ZRANB3: variants seen among roughly 807,000 people sequenced by gnomAD.
The protein encoded by ZRANB3 is DNA annealing helicase and endonuclease ZRANB3.
Under a neutral mutation model 133.8 loss-of-function variants are expected in ZRANB3, and 125 were observed. The observed-to-expected ratio is 0.93, with a 90% CI of 0.81 to 1.08. The LOEUF is 1.08. Ranked by LOEUF, ZRANB3 falls within the 50% of genes least tolerant of loss-of-function variation. The pLI is 0.00. For synonymous variants in ZRANB3, 387 were observed against 432.7 expected (o/e 0.89, Z 1.31); for missense variants, 1,229 against 1,275.5 (o/e 0.96, Z 0.56).
intron 12 of ZRANB3, among the ~76,000 whole-genome samples, chr2:135,233,300 A>G (rs1313847770): frequency 6.6e-6 from 1 of 152,210 alleles, no homozygotes; most frequent in Non-Finnish European, 1.5e-5. Context: ...ATGTGAAAAG[A>G]TCAAATCTAC....
intron 2 of ZRANB3, among the ~76,000 whole-genome samples, chr2:135,478,281 T>C (rs1231515171): frequency 6.6e-6 from 1 of 152,048 alleles, no homozygotes; most frequent in Non-Finnish European, 1.5e-5. Flanking sequence ...ACACAGAAAT[T>C]ATGTAAATCT....
chr2:135,481,696 T>C (rs1691819560), intron 2 of ZRANB3, among the ~76,000 whole-genome samples: 1 of 150,900 alleles, frequency 6.6e-6, no homozygotes, highest in South Asian at 2.1e-4. Context: ...TGCCCATGCC[T>C]ATGTCCTGAA....
At chr2:135,325,981 G>C (rs1210866701) in intron 6 of ZRANB3, among the ~76,000 whole-genome samples, 2 of 152,150 alleles carry the variant, frequency 1.3e-5, no homozygotes, top group African/African-American at 4.8e-5. Context: ...AAACAATTTA[G>C]ATTCTTCCAC....
chr2:135,206,651 GAGGAA>G (rs1693869902), intron 19 of ZRANB3, among the ~76,000 whole-genome samples: 1 of 149,512 alleles, frequency 6.7e-6, no homozygotes, highest in African/African-American at 2.5e-5. Flanking sequence ...AAAAGAAAGA[GAGGAA>G]AGGAAATGAG....
At chr2:135,341,911 A>G (rs1219010561) in intron 6 of ZRANB3, among the ~76,000 whole-genome samples, 1 of 149,976 alleles carries the variant, frequency 6.7e-6, no homozygotes, top group East Asian at 1.9e-4. Flanking sequence ...TAAGATGTTT[A>G]TCAAAGATAA....
At position 135,353,545 on chromosome 2, in the gene ZRANB3, C is replaced by T. The variant is rs775153397; in HGVS notation, c.264G>A (p.Ser88=). The T allele has an allele frequency of 2.8e-5, 45 of 1,610,320 alleles. No individual in the cohort carries two copies. Among genetic ancestry groups the T allele is most frequent in the South Asian group, 2.0e-4 (18 of 90,654 alleles). The stretch of plus-strand genomic sequence containing the variant: ...CTTCTGTCCAAGGGTACCTCAGAGA[C>T]GAAGGGACCACTATTAACAGAGGCC... ...EEWPLLIVVP[S]SLRYPWTEEI... The change falls in exon 4 of 21, where the codon TCG becomes TCA. Residue 88 remains serine (S), a synonymous_variant. Coordinates refer to ENST00000264159, the MANE Select transcript of ZRANB3 (RefSeq NM_032143.4).
At chr2:135,291,446 G>A (rs1009540426) in intron 8 of ZRANB3, among the ~76,000 whole-genome samples, 1 of 152,108 alleles carries the variant, frequency 6.6e-6, no homozygotes, top group South Asian at 2.1e-4. Flanking sequence ...GCCTCCCAAA[G>A]TGCTGGGATT....
At chr2:135,320,269 C>T (rs1167528560) in intron 6 of ZRANB3, among the ~76,000 whole-genome samples, 1 of 152,084 alleles carries the variant, frequency 6.6e-6, no homozygotes, top group African/African-American at 2.4e-5. Context: ...AATTATCAAA[C>T]AAATTTGTAA....
At chr2:135,330,328 T>C (rs894831733) in intron 6 of ZRANB3, among the ~76,000 whole-genome samples, 1 of 152,242 alleles carries the variant, frequency 6.6e-6, no homozygotes, top group Admixed American at 6.5e-5. Flanking sequence ...GCTTTTGTCA[T>C]TGGTTCCGTT....
intron 1 of ZRANB3, chr2:135,511,575 C>T (rs1159307931): frequency 3.2e-6 from 3 of 936,494 alleles, no homozygotes; most frequent in African/African-American, 3.2e-5. Flanking sequence ...GAACATAGAA[C>T]TGATTTGCAA....
At chr2:135,303,129 T>C (rs1682518369) in intron 8 of ZRANB3, among the ~76,000 whole-genome samples, 1 of 152,158 alleles carries the variant, frequency 6.6e-6, no homozygotes, top group Non-Finnish European at 1.5e-5. Flanking sequence ...GGAGAGTATA[T>C]TGAAAATATT....
At chr2:135,295,406 CTTTT>C (rs1004489616) in intron 8 of ZRANB3, among the ~76,000 whole-genome samples, 4 of 151,878 alleles carry the variant, frequency 2.6e-5, no homozygotes, top group Admixed American at 1.3e-4. Context: ...CAACCCCTGC[CTTTT>C]TTTGTTTTCC....
chr2:135,400,629 A>T (rs1414010048), intron 2 of ZRANB3, among the ~76,000 whole-genome samples: 4 of 152,180 alleles, frequency 2.6e-5, no homozygotes, highest in Non-Finnish European at 2.9e-5. Flanking sequence ...TGTACCAGAA[A>T]CTTTCTTTAG....
chr2:135,263,095 T>G lies in ZRANB3; in HGVS notation c.1539+2439A>C, dbSNP rs1379866528. Among the ~76,000 whole-genome samples the G allele has an allele frequency of 2.6e-5, 4 of 152,264 alleles. No individual in the cohort carries two copies. The South Asian group carries it at 6.2e-4, about 24-fold the overall frequency. Reference sequence around the variant, plus strand: ...GAAGTTGCTATCACATTTTTATTCTTCCCCATATCCATTCTTCTCTCCCAG... The same window carrying G: ...GAAGTTGCTATCACATTTTTATTCTGCCCCATATCCATTCTTCTCTCCCAG... On this transcript the variant is annotated intron_variant, in intron 12 of 20. Transcript: ENST00000264159.
At chr2:135,309,403 A>C (rs1682864035) in intron 8 of ZRANB3, among the ~76,000 whole-genome samples, 2 of 152,162 alleles carry the variant, frequency 1.3e-5, no homozygotes, top group Admixed American at 1.3e-4. Flanking sequence ...TCAACGTAAT[A>C]GGCAAAACAA....
rs576249057 is a variant in ZRANB3 at position 135,468,864 on chromosome 2, GC to G, written c.161+35464del. 2.2e-4 allele frequency among the ~76,000 whole-genome samples: 33 copies of G among 152,246 alleles called. No individual in the cohort carries two copies. In the South Asian group the frequency reaches 2.7e-3, roughly 12 times the overall value. ...AACTAAGGATCAGTGGTCATAAGTA[GC>G]CTGAATTCTATTTCTATCTTTGATA... On this transcript the variant is annotated intron_variant, in intron 2 of 20. Transcript: ENST00000264159.
At chr2:135,501,444 A>C (rs1211644214) in intron 2 of ZRANB3, among the ~76,000 whole-genome samples, 1 of 152,200 alleles carries the variant, frequency 6.6e-6, no homozygotes, top group African/African-American at 2.4e-5. Flanking sequence ...CATTTATCAG[A>C]AACAAGAACA....
At chr2:135,274,902 A>G (rs1035837686) in intron 9 of ZRANB3, among the ~76,000 whole-genome samples, 7 of 152,234 alleles carry the variant, frequency 4.6e-5, no homozygotes, top group African/African-American at 1.7e-4. Context: ...TTTAACCCTG[A>G]GTGGACACAG....
At chr2:135,515,767 G>A (rs1326969080) in intron 1 of ZRANB3, among the ~76,000 whole-genome samples, 13 of 152,140 alleles carry the variant, frequency 8.5e-5, no homozygotes, top group Non-Finnish European at 1.3e-4. Context: ...GTTGATTTGC[G>A]GTGGAGAATT....
Sources: gnomAD v4.1 joint callset for allele counts (sites outside exome capture counted in the v4.1 genomes callset) on GRCh38, gnomAD v4.1.1 for gene constraint, MANE v1.5 for transcripts, NCBI Gene and HGNC (gene_info 2026-07-23, HGNC 2026-07-21) for gene names.